The following SLC10A7 variants were observed in gnomAD, a reference collection of about 807,000 sequenced individuals.
SLC10A7 encodes the protein sodium/bile acid cotransporter 7.
Under a neutral mutation model 43.2 loss-of-function variants are expected in SLC10A7, and 29 were observed. That is an observed-to-expected ratio of 0.67 (90% confidence interval 0.50 to 0.92). SLC10A7 has a LOEUF of 0.92. Among genes scored for constraint, SLC10A7 ranks in the 40% least tolerant of loss-of-function variants. The pLI is 0.00. For synonymous variants in SLC10A7, 152 were observed against 144.8 expected, an observed-to-expected ratio of 1.05 and a Z score of -0.35; for missense variants, 295 against 403.2, an observed-to-expected ratio of 0.73 and a Z score of 2.30.
At chr4:146,501,275 G>A (rs530257540) in intron 4 of SLC10A7, among the ~76,000 whole-genome samples, 17 of 152,146 alleles carry the variant, frequency 1.1e-4, no homozygotes, top group East Asian at 9.6e-4. Context: ...CTAATTCTTC[G>A]TTAGTATGTC....
chr4:146,296,734 T>C (rs982896775), intron 7 of SLC10A7, among the ~76,000 whole-genome samples: 1 of 152,144 alleles, frequency 6.6e-6, no homozygotes, highest in African/African-American at 2.4e-5. Flanking sequence ...TCCTCTAAAA[T>C]TAAATTCACA....
At chr4:146,504,026 G>A in intron 3 of SLC10A7, 102 bp from the exon 4 acceptor site, 1 of 1,003,276 alleles carries the variant, frequency 1.0e-6, no homozygotes, top group South Asian at 1.4e-5. Flanking sequence ...TGAATATAAG[G>A]GCATATTTAT....
intron 1 of SLC10A7, among the ~76,000 whole-genome samples, chr4:146,521,164 T>A (rs1738599616): frequency 6.6e-6 from 1 of 151,638 alleles, no homozygotes; most frequent in African/African-American, 2.4e-5. Flanking sequence ...GGCCATAAAA[T>A]CTGAGTTGGG....
intron 5 of SLC10A7, among the ~76,000 whole-genome samples, chr4:146,402,386 C>A (rs541502157): frequency 6.6e-6 from 1 of 152,230 alleles, no homozygotes; most frequent in South Asian, 2.1e-4. Flanking sequence ...CCTCATACCT[C>A]CTGCATGTAA....
intron 5 of SLC10A7, among the ~76,000 whole-genome samples, chr4:146,433,285 C>G (rs1729932569): frequency 6.6e-6 from 1 of 150,844 alleles, no homozygotes; most frequent in South Asian, 2.1e-4. Context: ...CCTCAGCCTC[C>G]CGAGTAGCTG....
intron 5 of SLC10A7, among the ~76,000 whole-genome samples, chr4:146,383,143 C>G (rs564714055): frequency 1.5e-4 from 23 of 151,972 alleles, no homozygotes; most frequent in Non-Finnish European, 2.6e-4. Flanking sequence ...TTAAATAGAC[C>G]AGATTAGGTT....
chr4:146,378,544 T>C (rs1737373244), intron 5 of SLC10A7, among the ~76,000 whole-genome samples: 2 of 152,188 alleles, frequency 1.3e-5, no homozygotes, highest in Admixed American at 6.5e-5. Flanking sequence ...TATGCCATAA[T>C]GCTCAATCTA....
intron 5 of SLC10A7, 121 bp downstream of exon 5, chr4:146,442,662 A>C (rs181382323): frequency 2.1e-5 from 31 of 1,511,972 alleles, no homozygotes; most frequent in Admixed American, 8.0e-5. Flanking sequence ...GGCACATGAA[A>C]AGATTCAACA....
At chr4:146,374,613 T>TATATACATACACAC (rs1286344996) in intron 5 of SLC10A7, among the ~76,000 whole-genome samples, 11 of 119,496 alleles carry the variant, frequency 9.2e-5, no homozygotes, top group African/African-American at 3.7e-4. Context: ...TATATATATA[T>TATATACATACACAC]ACACATACAC....
chr4:146,509,032 T>C (rs1411038427), intron 3 of SLC10A7, among the ~76,000 whole-genome samples: 1 of 152,208 alleles, frequency 6.6e-6, no homozygotes, highest in Non-Finnish European at 1.5e-5. Flanking sequence ...TTGTACATTA[T>C]GTTTCCTTTC....
chr4:146,442,647 A>C, intron 5 of SLC10A7, 136 bp downstream of exon 5: 1 of 1,501,350 alleles, frequency 6.7e-7, no homozygotes, highest in Non-Finnish European at 8.8e-7. Context: ...CAGGGTATGG[A>C]TACTGGCACA....
chr4:146,515,136 CGCATTAA>C (rs1579391976), intron 2 of SLC10A7: 1 of 702,378 alleles, frequency 1.4e-6, no homozygotes, highest in Non-Finnish European at 2.6e-6. Context: ...TTCGCAGAAT[CGCATTAA>C]GTAAGAAGCT....
At chr4:146,263,323 G>A (rs1728351550) in intron 10 of SLC10A7, among the ~76,000 whole-genome samples, 1 of 152,154 alleles carries the variant, frequency 6.6e-6, no homozygotes, top group African/African-American at 2.4e-5. Context: ...TTACCAAGCT[G>A]TAAGCTTCTT....
intron 5 of SLC10A7, among the ~76,000 whole-genome samples, chr4:146,340,305 T>A (rs1734170665): frequency 6.6e-6 from 1 of 151,848 alleles, no homozygotes; most frequent in African/African-American, 2.4e-5. Flanking sequence ...TTATAAGAAC[T>A]GGTCAATGGA....
rs944485892 is a variant in SLC10A7, at chr4:146,424,473, C to T, written c.435+18310G>A. Among the ~76,000 whole-genome samples, 5 of 152,032 alleles carry T rather than the reference C, an allele frequency of 3.3e-5. 1 individual carries two copies. The South Asian group carries it at 1.0e-3, about 32-fold the overall frequency. On this transcript the variant is annotated intron_variant, in intron 5 of 11. Transcript: ENST00000335472. ...GTCAGGAGTTAGAGACCAGCCTGGC[C>T]AATGTAGTGAGACCCCATCTCTATA...
chr4:146,506,809 T>G (rs1228732958), intron 3 of SLC10A7, among the ~76,000 whole-genome samples: 1 of 152,168 alleles, frequency 6.6e-6, no homozygotes, highest in Non-Finnish European at 1.5e-5. Flanking sequence ...TTTTCAATCT[T>G]ATTTTCAATC....
chr4:146,289,844 T>C (rs1730294766), intron 9 of SLC10A7, among the ~76,000 whole-genome samples: 1 of 148,940 alleles, frequency 6.7e-6, no homozygotes, highest in Admixed American at 6.7e-5. Context: ...GCCTCTGGAG[T>C]AGCTGGGATT....
intron 5 of SLC10A7, among the ~76,000 whole-genome samples, chr4:146,342,096 T>G (rs1578932474): frequency 6.6e-6 from 1 of 151,828 alleles, no homozygotes; most frequent in African/African-American, 2.4e-5. Flanking sequence ...TTATTCAAAT[T>G]TATACAGTTT....
At chr4:146,405,713 CAA>C in intron 5 of SLC10A7, among the ~76,000 whole-genome samples, 1 of 151,998 alleles carries the variant, frequency 6.6e-6, no homozygotes, top group Middle Eastern at 3.2e-3. Flanking sequence ...GGTAGATGTA[CAA>C]ATACCTTGGA....
Sources: allele counts gnomAD v4.1 joint callset (sites outside exome capture counted in the v4.1 genomes callset), GRCh38; gene constraint gnomAD v4.1.1; transcripts MANE v1.5; gene names NCBI Gene and HGNC (gene_info 2026-07-23, HGNC 2026-07-21).